Variants in CLASP2 observed in about 807,000 individuals in gnomAD.
CLASP2 encodes the protein cytoplasmic linker associated protein 2, also known as CLIP-associating protein 2.
A neutral mutation model predicts 194.4 loss-of-function variants in CLASP2; 47 were observed. That is an observed-to-expected ratio of 0.24 (90% confidence interval 0.19 to 0.31). The LOEUF (loss-of-function observed/expected upper bound fraction) is 0.31, where lower values mean the gene tolerates loss of function less well. Ranked by LOEUF, CLASP2 falls within the 10% of genes least tolerant of loss-of-function variation. The probability of loss-of-function intolerance (pLI) is 1.00; values close to 1 mark genes in which losing one functional copy is unlikely to be tolerated. For synonymous variants in CLASP2, 619 were observed against 633.5 expected, an observed-to-expected ratio of 0.98 and a Z score of 0.34; for missense variants, 1,445 against 1,823.6, an observed-to-expected ratio of 0.79 and a Z score of 3.78.
intron 29 of CLASP2, among the ~76,000 whole-genome samples, chr3:33,555,590 A>G (rs1436682258): frequency 6.6e-6 from 1 of 152,104 alleles, no homozygotes; most frequent in African/African-American, 2.4e-5. Flanking sequence ...CTAGTCTCGA[A>G]CTGCTGGGCT....
intron 3 of CLASP2, among the ~76,000 whole-genome samples, chr3:33,688,582 T>C (rs2090984859): frequency 6.6e-6 from 1 of 152,182 alleles, no homozygotes; most frequent in Admixed American, 6.5e-5. Flanking sequence ...TTAGTACTTA[T>C]ATATATTTCA....
chr3:33,678,017 T>G (rs973431686), intron 6 of CLASP2, among the ~76,000 whole-genome samples: 7 of 149,360 alleles, frequency 4.7e-5, no homozygotes, highest in African/African-American at 1.7e-4. Context: ...CACACTGATG[T>G]ATCTCTGAGC....
intron 6 of CLASP2, among the ~76,000 whole-genome samples, chr3:33,672,816 G>A (rs2087629893): frequency 6.6e-6 from 1 of 152,204 alleles, no homozygotes; most frequent in African/African-American, 2.4e-5. Context: ...AGGAGCTGAT[G>A]CGATCAACTG....
intron 33 of CLASP2, among the ~76,000 whole-genome samples, chr3:33,536,457 A>G (rs183382772): frequency 0.014 from 2,079 of 152,304 alleles, 41 homozygotes; most frequent in African/African-American, 0.047. Context: ...AGGTAGAGAA[A>G]ACAGCCAATA....
intron 6 of CLASP2, among the ~76,000 whole-genome samples, chr3:33,668,865 T>A (rs1472937895): frequency 2.0e-5 from 3 of 152,026 alleles, no homozygotes; most frequent in Admixed American, 2.0e-4. Flanking sequence ...GGTCTCAGAG[T>A]CTTCATCTGC....
rs1315314230 is a variant in CLASP2, at chr3:33,718,164, C to T, written c.-162G>A. ...CGGGCGGCGGGAGGAACGCCAAGCGCCCAGCCGCCCCCAAACTAGTCAAAC... is the reference window on the plus strand; with the variant it reads ...CGGGCGGCGGGAGGAACGCCAAGCGTCCAGCCGCCCCCAAACTAGTCAAAC... On this transcript the variant is annotated 5_prime_UTR_variant, in exon 1 of 39. Transcript: ENST00000682230. 1.8e-6 allele frequency: 1 copy of T among 568,938 alleles called. No individual in the cohort carries two copies. Among genetic ancestry groups the T allele is most frequent in the East Asian group, 3.6e-5 (1 of 27,608 alleles). 35.2% of individuals were successfully genotyped at this position (568,938 alleles called of 1,614,324 possible).
At chr3:33,524,985 G>A (rs548606187) in intron 34 of CLASP2, among the ~76,000 whole-genome samples, 3 of 152,282 alleles carry the variant, frequency 2.0e-5, no homozygotes, top group African/African-American at 4.8e-5. Context: ...AGACATATAT[G>A]GTGCACACAG....
intron 8 of CLASP2, among the ~76,000 whole-genome samples, chr3:33,635,279 A>C (rs1371718766): frequency 6.6e-6 from 1 of 152,164 alleles, no homozygotes; most frequent in Non-Finnish European, 1.5e-5. Flanking sequence ...AAAGAAAAAA[A>C]AAAATTACAA....
chr3:33,706,055 C>T (rs1317755297), intron 1 of CLASP2, among the ~76,000 whole-genome samples: 2 of 152,066 alleles, frequency 1.3e-5, no homozygotes, highest in Non-Finnish European at 2.9e-5. Flanking sequence ...GAGTTTGATA[C>T]CGGCCTGCAC....
chr3:33,614,132 CAG>C (rs546405609), intron 12 of CLASP2, among the ~76,000 whole-genome samples: 4 of 152,010 alleles, frequency 2.6e-5, no homozygotes, highest in Non-Finnish European at 5.9e-5. Flanking sequence ...CAAAGAAAAA[CAG>C]GGGTAATATT....
At chr3:33,514,607 T>A in intron 36 of CLASP2, 1 of 248,420 alleles carries the variant, frequency 4.0e-6, no homozygotes, top group South Asian at 4.4e-5. Flanking sequence ...TTGCTTTCTC[T>A]TAGAAATACA....
chr3:33,518,250 T>C (rs1216984620), intron 34 of CLASP2, among the ~76,000 whole-genome samples: 2 of 152,228 alleles, frequency 1.3e-5, no homozygotes, highest in Non-Finnish European at 1.5e-5. Context: ...TACAAACTCA[T>C]GGATTTTATA....
intron 34 of CLASP2, among the ~76,000 whole-genome samples, chr3:33,527,157 T>G (rs1415663922): frequency 6.6e-6 from 1 of 152,196 alleles, no homozygotes. Flanking sequence ...ACACAAAACA[T>G]CTTTCAAAAG....
At chr3:33,568,398 C>T (rs558926566) in intron 26 of CLASP2, among the ~76,000 whole-genome samples, 36 of 151,402 alleles carry the variant, frequency 2.4e-4, no homozygotes, top group African/African-American at 7.8e-4. Flanking sequence ...ACTAAAAATA[C>T]GAAAAATGAG....
intron 1 of CLASP2, among the ~76,000 whole-genome samples, chr3:33,703,028 T>C (rs941607455): frequency 1.3e-5 from 2 of 151,720 alleles, no homozygotes; most frequent in African/African-American, 4.8e-5. Context: ...TAAGAAAAAA[T>C]CTAATTGACC....
At chr3:33,631,433 C>T (rs1409050022) in intron 9 of CLASP2, among the ~76,000 whole-genome samples, 1 of 152,128 alleles carries the variant, frequency 6.6e-6, no homozygotes, top group Admixed American at 6.6e-5. Flanking sequence ...TGGTGGCTCA[C>T]GCCTGTAACC....
intron 1 of CLASP2, among the ~76,000 whole-genome samples, chr3:33,709,098 T>C (rs1252622867): frequency 6.6e-6 from 1 of 152,220 alleles, no homozygotes; most frequent in Non-Finnish European, 1.5e-5. Context: ...CCAGAAAACT[T>C]TGTAGTCTGA....
In CLASP2 at chr3:33,498,731, C is replaced by A; in HGVS notation, c.4435-14G>T. The A allele has an allele frequency of 6.3e-7, 1 of 1,589,174 alleles. No homozygotes were observed. Among genetic ancestry groups the A allele is most frequent in the Non-Finnish European group, 8.6e-7 (1 of 1,158,122 alleles). ...CAGTAGCTTCATCTGCAGATTCAAG[C>A]CAAATAAATGTCATTTGAGCAAGCT... On this transcript the variant is annotated splice_polypyrimidine_tract_variant and intron_variant, in intron 38 of 38. Coordinates refer to ENST00000682230, the MANE Select transcript of CLASP2 (RefSeq NM_001365631.1).
chr3:33,689,944 G>T lies in CLASP2; in HGVS notation c.275-12C>A. On this transcript the variant is annotated splice_polypyrimidine_tract_variant and intron_variant, in intron 2 of 38. Transcript: ENST00000682230. ...TAAAGCTACAATAACTAAAGAAGGG[G>T]AGGGAGTAAAAGAGTAATTACTTAT... 1 of 1,535,742 alleles carries T rather than the reference G, an allele frequency of 6.5e-7. No individual in the cohort carries two copies. Among genetic ancestry groups the T allele is most frequent in the African/African-American group, 1.4e-5 (1 of 72,930 alleles).
Sources: allele counts gnomAD v4.1 joint callset (sites outside exome capture counted in the v4.1 genomes callset), GRCh38; gene constraint gnomAD v4.1.1; transcripts MANE v1.5; gene names NCBI Gene and HGNC (gene_info 2026-07-23, HGNC 2026-07-21).